TRAF3IP2: variants seen among roughly 807,000 people sequenced by gnomAD.
TRAF3IP2 encodes TRAF3 interacting protein 2.
TRAF3IP2 carries 35 observed loss-of-function variants against 57.9 expected under a neutral mutation model. The observed-to-expected ratio is 0.60, with a 90% CI of 0.46 to 0.80. The LOEUF (loss-of-function observed/expected upper bound fraction) is 0.80. TRAF3IP2 is among the 30% of genes least tolerant of loss of function. The pLI is 0.00. For missense variants in TRAF3IP2, 556 were observed against 706.4 expected, an observed-to-expected ratio of 0.79 and a Z score of 2.41; for synonymous variants, 251 against 268.9, an observed-to-expected ratio of 0.93 and a Z score of 0.65.
chr6:111,597,088 G>A (rs1219330607), intron 1 of TRAF3IP2, among the ~76,000 whole-genome samples: 3 of 152,238 alleles, frequency 2.0e-5, no homozygotes, highest in African/African-American at 7.2e-5. Flanking sequence ...ACAATGTTGG[G>A]TAGCAAGGAG....
intron 2 of TRAF3IP2, among the ~76,000 whole-genome samples, chr6:111,588,264 C>T (rs1796400711): frequency 6.6e-6 from 1 of 152,156 alleles, no homozygotes; most frequent in South Asian, 2.1e-4. Context: ...TCTCTCCCCT[C>T]TGCCTTTCAA....
rs146964895 is a variant in TRAF3IP2, at chr6:111,571,052, G to A, written c.1290+1843C>T. Among the ~76,000 whole-genome samples, 811 of 148,054 alleles carry A rather than the reference G, an allele frequency of 5.5e-3. 6 individuals carry two copies. Among genetic ancestry groups the A allele is most frequent in the African/African-American group, 0.017 (695 of 40,062 alleles). On this transcript the variant is annotated intron_variant, in intron 5 of 8. Transcript: ENST00000368761. ...CTCCCAAGTAGCTGGGACTACAGGC[G>A]CACACCACCATGCCAACTTTTTTTT... is the stretch of plus-strand genomic sequence containing the variant.
intron 5 of TRAF3IP2, among the ~76,000 whole-genome samples, chr6:111,569,710 C>T (rs926140385): frequency 3.9e-5 from 6 of 152,156 alleles, no homozygotes; most frequent in Admixed American, 3.3e-4. Context: ...GAGCCGAGAT[C>T]GTGCCACTGC....
chr6:111,575,524 C>G, intron 4 of TRAF3IP2, 119 bp downstream of exon 4: 2 of 1,154,822 alleles, frequency 1.7e-6, no homozygotes, highest in Non-Finnish European at 2.4e-6. Flanking sequence ...GGAGGCGGAG[C>G]TTGCAGTGAG....
chr6:111,602,009 A>G (rs921687415), intron 1 of TRAF3IP2: 2 of 152,244 alleles, frequency 1.3e-5, no homozygotes, highest in African/African-American at 4.8e-5. Context: ...TTCCAAGTTT[A>G]CTTGCTGAAT....
chr6:111,573,011 A>C, intron 4 of TRAF3IP2, 28 bp from the exon 5 acceptor site: 1 of 1,494,924 alleles, frequency 6.7e-7, no homozygotes, highest in Non-Finnish European at 9.3e-7. Flanking sequence ...CATTTATTAG[A>C]AACTGATCAA....
chr6:111,599,242 C>T (rs556528944), intron 1 of TRAF3IP2, among the ~76,000 whole-genome samples: 5 of 152,124 alleles, frequency 3.3e-5, no homozygotes, highest in Non-Finnish European at 5.9e-5. Context: ...CTCTCATCAC[C>T]GTTTGGACTG....
intron 6 of TRAF3IP2, chr6:111,567,095 A>C (rs762724598): frequency 1.7e-5 from 14 of 844,178 alleles, no homozygotes; most frequent in South Asian, 4.7e-5. Context: ...CCTCCAAAAG[A>C]AGCAGCCGAC....
At position 111,591,977 on chromosome 6, in the gene TRAF3IP2, G is replaced by T; in HGVS notation, c.110C>A (p.Pro37Gln). 1 of 1,614,192 alleles carries T rather than the reference G, an allele frequency of 6.2e-7. No homozygotes were observed. Among genetic ancestry groups the T allele is most frequent in the Non-Finnish European group, 8.5e-7 (1 of 1,180,050 alleles). Residue 37 changes from proline (P) to glutamine (Q), a missense_variant, in exon 2 of 9, where the codon CCA becomes CAA. Physicochemically the swap from Pro to Gln is moderately conservative, Grantham distance 76. Coordinates refer to ENST00000368761, the MANE Select transcript of TRAF3IP2 (RefSeq NM_147686.4). The surrounding 1 kb of genome is among the most constrained non-coding windows in gnomAD (Gnocchi z 4.9). Reference protein sequence around the residue: ...SPEEESEPPAPNIRNMAPNSL... With the variant: ...SPEEESEPPAQNIRNMAPNSL... The stretch of plus-strand genomic sequence containing the variant: ...GTTGGGTGCCATGTTCCTTATATTT[G>T]GAGCAGGTGGTTCTGATTCCTCTTC...
At chr6:111,566,378 G>T in intron 7 of TRAF3IP2, 66 bp downstream of exon 7, 1 of 1,271,444 alleles carries the variant, frequency 7.9e-7, no homozygotes, top group Non-Finnish European at 1.1e-6. Flanking sequence ...GGAAGAATGG[G>T]ACTTCCCTGG....
At chr6:111,561,854 G>A (rs371763985) in intron 8 of TRAF3IP2, among the ~76,000 whole-genome samples, 21 of 152,332 alleles carry the variant, frequency 1.4e-4, no homozygotes, top group African/African-American at 4.8e-4. Flanking sequence ...AAGTGGAGAT[G>A]AGACCAGTAA....
chr6:111,569,356 T>A (rs1342120263), intron 5 of TRAF3IP2, among the ~76,000 whole-genome samples: 1 of 152,260 alleles, frequency 6.6e-6, no homozygotes, highest in Non-Finnish European at 1.5e-5. Context: ...ACTTGTAATA[T>A]GTAGTTAATA....
chr6:111,596,523 G>A (rs188249890), intron 1 of TRAF3IP2, among the ~76,000 whole-genome samples: 22 of 152,216 alleles, frequency 1.4e-4, no homozygotes, highest in Admixed American at 1.2e-3. Context: ...GCACAATCTC[G>A]GCTCACTGCA....
At chr6:111,602,472 GAGAA>G (rs1052020474) in intron 1 of TRAF3IP2, among the ~76,000 whole-genome samples, 7 of 152,260 alleles carry the variant, frequency 4.6e-5, no homozygotes, top group Middle Eastern at 3.4e-3. Context: ...GAGGAAGGGA[GAGAA>G]AGGAAGGAAG....
chr6:111,598,120 CT>C (rs958784484), intron 1 of TRAF3IP2: 2 of 335,930 alleles, frequency 6.0e-6, no homozygotes, highest in African/African-American at 4.3e-5. Context: ...GAACCCCTCT[CT>C]GAGGCTCCCA....
At chr6:111,585,978 A>G (rs1796320409) in intron 2 of TRAF3IP2, among the ~76,000 whole-genome samples, 1 of 145,388 alleles carries the variant, frequency 6.9e-6, no homozygotes, top group African/African-American at 2.5e-5. Flanking sequence ...CAGTCACAAC[A>G]TGCAACATTT....
chr6:111,605,086 T>TA (rs1293511535), intron 1 of TRAF3IP2, among the ~76,000 whole-genome samples: 5 of 111,202 alleles, frequency 4.5e-5, no homozygotes, highest in East Asian at 2.7e-4. Context: ...TCCTGTTCCT[T>TA]TAAAAAAAAA....
chr6:111,559,968 A>C (rs1037800091), intron 8 of TRAF3IP2, among the ~76,000 whole-genome samples: 2 of 152,230 alleles, frequency 1.3e-5, no homozygotes, highest in Admixed American at 6.5e-5. Flanking sequence ...TCTGGCCTGC[A>C]GTAGAAGGAG....
rs1026271738 is a variant in TRAF3IP2 at position 111,559,313 on chromosome 6, G to A, written c.*92C>T. 7 of 1,519,660 alleles carry A rather than the reference G, an allele frequency of 4.6e-6. No individual in the cohort carries two copies. Among genetic ancestry groups the A allele is most frequent in the Admixed American group, 4.2e-5 (2 of 47,152 alleles). The allele number at this position is 1,519,660 out of a possible 1,614,324, so 94.1% of individuals were successfully genotyped here. ...CTCGGGGAGGAACAGAAAAAAACCA[G>A]CCAGGAGTGCTACCGACCAGCCTCA... On this transcript the variant is annotated 3_prime_UTR_variant, in exon 9 of 9. Coordinates refer to ENST00000368761, the MANE Select transcript of TRAF3IP2 (RefSeq NM_147686.4).
Sources: gnomAD v4.1 joint callset for allele counts (sites outside exome capture counted in the v4.1 genomes callset) on GRCh38, gnomAD v4.1.1 for gene constraint, Gnocchi (gnomAD v3.1) non-coding constraint, MANE v1.5 for transcripts, NCBI Gene and HGNC (gene_info 2026-07-23, HGNC 2026-07-21) for gene names.